PHACTR1: variants seen among roughly 807,000 people sequenced by gnomAD.
PHACTR1 encodes the protein phosphatase and actin regulator 1.
In PHACTR1, 16 loss-of-function variants were observed where a neutral mutation model predicts 69.2. That is an observed-to-expected ratio of 0.23 (90% CI 0.16 to 0.35). The LOEUF (loss-of-function observed/expected upper bound fraction) is 0.35. Ranked by LOEUF, PHACTR1 falls within the 10% of genes least tolerant of loss-of-function variation. The pLI is 1.00. For synonymous variants in PHACTR1, 312 were observed against 284.5 expected, an observed-to-expected ratio of 1.10 and a Z score of -0.97; for missense variants, 510 against 734.7, an observed-to-expected ratio of 0.69 and a Z score of 3.54.
chr6:13,102,361 A>G (rs1191636864), intron 5 of PHACTR1, among the ~76,000 whole-genome samples: 1 of 152,186 alleles, frequency 6.6e-6, no homozygotes, highest in African/African-American at 2.4e-5. Flanking sequence ...TTTTTGGAGA[A>G]GGTCATTGGC....
intron 5 of PHACTR1, among the ~76,000 whole-genome samples, chr6:13,078,428 G>C (rs991904436): frequency 6.6e-6 from 1 of 152,182 alleles, no homozygotes; most frequent in African/African-American, 2.4e-5. Context: ...CAACAACCCT[G>C]TTCCAAATAA....
At chr6:13,144,108 A>G (rs1223529) in intron 5 of PHACTR1, among the ~76,000 whole-genome samples, 29,430 of 152,220 alleles carry the variant, frequency 0.19, 3,211 homozygotes, top group South Asian at 0.41. Context: ...TAGATAACAA[A>G]CTTAATTGTG....
At chr6:12,900,083 C>T (rs1166933539) in intron 4 of PHACTR1, among the ~76,000 whole-genome samples, 1 of 152,214 alleles carries the variant, frequency 6.6e-6, no homozygotes, top group African/African-American at 2.4e-5. Flanking sequence ...ATCTGGCAAC[C>T]CTATCTCTGA....
intron 7 of PHACTR1, among the ~76,000 whole-genome samples, chr6:13,203,510 G>A (rs553244155): frequency 6.6e-5 from 10 of 152,246 alleles, no homozygotes; most frequent in East Asian, 1.9e-4. Context: ...CATGACTGTC[G>A]TCATTCCTGC....
Position 12,975,617 on chromosome 6 carries a change from G to A in PHACTR1, c.251-77748G>A, listed in dbSNP as rs542585943. ...CTTTTATGAGACAGGGTCTCACTCC[G>A]TCACCCAGGCTGGAGTGCAGTGGTG... On this transcript the variant is annotated intron_variant, in intron 4 of 14. Transcript: ENST00000332995. Among the ~76,000 whole-genome samples the A allele has an allele frequency of 4.6e-5, 7 of 152,136 alleles. No homozygotes were observed. The South Asian group carries it at 1.0e-3, about 23-fold the overall frequency.
chr6:13,160,850 T>G (rs1277122097), intron 6 of PHACTR1, among the ~76,000 whole-genome samples: 3 of 152,228 alleles, frequency 2.0e-5, no homozygotes, highest in Non-Finnish European at 4.4e-5. Flanking sequence ...CCACAGATAT[T>G]TGCTGGTGAA....
chr6:12,910,628 G>A (rs543931172), intron 4 of PHACTR1, among the ~76,000 whole-genome samples: 4 of 152,292 alleles, frequency 2.6e-5, no homozygotes, highest in South Asian at 2.1e-4. Context: ...TCAGCACCAT[G>A]AGCACGTACA....
At chr6:12,828,182 A>G (rs1777013466) in intron 4 of PHACTR1, among the ~76,000 whole-genome samples, 1 of 152,166 alleles carries the variant, frequency 6.6e-6, no homozygotes, top group African/African-American at 2.4e-5. Flanking sequence ...CATCAAAAGG[A>G]TTTATTTATA....
At chr6:12,954,769 C>T (rs1791680237) in intron 4 of PHACTR1, among the ~76,000 whole-genome samples, 2 of 152,196 alleles carry the variant, frequency 1.3e-5, no homozygotes, top group Non-Finnish European at 2.9e-5. Flanking sequence ...AAGAGATTAC[C>T]ACTTGAATTA....
chr6:13,121,508 TTAACGA>T (rs1452469921), intron 5 of PHACTR1, among the ~76,000 whole-genome samples: 1 of 152,170 alleles, frequency 6.6e-6, no homozygotes, highest in East Asian at 1.9e-4. Context: ...TAAACAGGAG[TTAACGA>T]TTACACTCTG....
intron 5 of PHACTR1, among the ~76,000 whole-genome samples, chr6:13,130,777 G>A (rs137970452): frequency 0.013 from 1,933 of 152,208 alleles, 35 homozygotes; most frequent in African/African-American, 0.042. Context: ...AAAAGATAGA[G>A]AAAGAGGGAA....
At chr6:13,036,596 AAAC>A (rs1244809406) in intron 4 of PHACTR1, among the ~76,000 whole-genome samples, 1 of 152,196 alleles carries the variant, frequency 6.6e-6, no homozygotes, top group Non-Finnish European at 1.5e-5. Context: ...GGTCACCTTG[AAAC>A]AACAGCCTCA....
intron 5 of PHACTR1, among the ~76,000 whole-genome samples, chr6:13,122,198 A>G (rs1032104992): frequency 1.7e-4 from 26 of 152,254 alleles, no homozygotes; most frequent in African/African-American, 5.8e-4. Context: ...AAGTGTTTTA[A>G]GAAAACATTT....
intron 5 of PHACTR1, among the ~76,000 whole-genome samples, chr6:13,110,514 A>G (rs1418099048): frequency 1.3e-5 from 2 of 152,188 alleles, no homozygotes. Flanking sequence ...TCAGCTAAAA[A>G]CGCAGGAGGA....
intron 4 of PHACTR1, among the ~76,000 whole-genome samples, chr6:12,944,787 A>AT (rs67157877): frequency 0.01 from 1,217 of 116,348 alleles, 21 homozygotes; most frequent in African/African-American, 0.03. Flanking sequence ...ATTTTTATTT[A>AT]TTTTTTTTTT....
chr6:13,183,087 C>T (rs1762398296), intron 7 of PHACTR1, among the ~76,000 whole-genome samples: 1 of 152,122 alleles, frequency 6.6e-6, no homozygotes, highest in African/African-American at 2.4e-5. Flanking sequence ...TCCCAGTATG[C>T]CAGTTAATAC....
At chr6:12,864,655 G>A (rs917617447) in intron 4 of PHACTR1, among the ~76,000 whole-genome samples, 7 of 149,256 alleles carry the variant, frequency 4.7e-5, no homozygotes, top group African/African-American at 1.7e-4. Context: ...ACTCCAGCCT[G>A]GGCAACAGAG....
intron 4 of PHACTR1, among the ~76,000 whole-genome samples, chr6:13,009,440 T>C (rs1253647638): frequency 6.6e-6 from 1 of 152,150 alleles, no homozygotes; most frequent in African/African-American, 2.4e-5. Context: ...GTATAGTAAT[T>C]TCTATTTGAG....
intron 4 of PHACTR1, among the ~76,000 whole-genome samples, chr6:12,837,109 T>A (rs1778247462): frequency 6.6e-6 from 1 of 152,184 alleles, no homozygotes. Flanking sequence ...GCTGTCTCAG[T>A]GTAATTGGTC....
Sources: gnomAD v4.1 joint callset for allele counts (sites outside exome capture counted in the v4.1 genomes callset) on GRCh38, gnomAD v4.1.1 for gene constraint, MANE v1.5 for transcripts, NCBI Gene and HGNC (gene_info 2026-07-23, HGNC 2026-07-21) for gene names.